DLG2: variants seen among roughly 807,000 people sequenced by gnomAD.
The protein encoded by DLG2 is disks large homolog 2.
A neutral mutation model predicts 132.5 loss-of-function variants in DLG2; 45 were observed. The observed-to-expected ratio is 0.34, with a 90% confidence interval of 0.27 to 0.44. DLG2 has a LOEUF of 0.44. Among genes scored for constraint, DLG2 ranks in the 20% least tolerant of loss-of-function variants. The pLI, the probability that DLG2 is intolerant of heterozygous loss-of-function variation, is 1.00. For missense variants in DLG2, 1,045 were observed against 1,196.9 expected (o/e 0.87, Z 1.87); for synonymous variants, 424 against 419.6 (o/e 1.01, Z -0.13).
At chr11:83,576,322 A>C (rs1473165975) in intron 19 of DLG2, among the ~76,000 whole-genome samples, 1 of 152,168 alleles carries the variant, frequency 6.6e-6, no homozygotes, top group Non-Finnish European at 1.5e-5. Context: ...GAGTTTCCAA[A>C]GTGTAGGAAG....
intron 3 of DLG2, among the ~76,000 whole-genome samples, chr11:85,434,157 G>C (rs970022380): frequency 6.6e-6 from 1 of 152,096 alleles, no homozygotes; most frequent in African/African-American, 2.4e-5. Flanking sequence ...AGAATCTCTG[G>C]AACACAGCTA....
chr11:84,366,868 C>T (rs1446478761), intron 7 of DLG2, among the ~76,000 whole-genome samples: 1 of 152,048 alleles, frequency 6.6e-6, no homozygotes, highest in African/African-American at 2.4e-5. Flanking sequence ...TAATGGGAGA[C>T]TTTAACACCC....
At chr11:84,676,121 T>C (rs1565632118) in intron 6 of DLG2, among the ~76,000 whole-genome samples, 2 of 152,070 alleles carry the variant, frequency 1.3e-5, no homozygotes, top group Non-Finnish European at 2.9e-5. Flanking sequence ...TCTCAACTGA[T>C]ACAGTTTCCA....
chr11:84,906,568 C>T (rs1036645951), intron 6 of DLG2, among the ~76,000 whole-genome samples: 2 of 152,062 alleles, frequency 1.3e-5, no homozygotes, highest in Admixed American at 1.3e-4. Context: ...AGCTTGCCTC[C>T]TTCTACCATT....
At chr11:85,494,903 C>T (rs199604008) in intron 3 of DLG2, among the ~76,000 whole-genome samples, 1 of 140,628 alleles carries the variant, frequency 7.1e-6, no homozygotes, top group African/African-American at 2.6e-5. Flanking sequence ...ATAAAAAAAA[C>T]AGTGAAAAAC....
intron 18 of DLG2, among the ~76,000 whole-genome samples, chr11:83,650,684 CT>C (rs977037004): frequency 1.1e-4 from 17 of 152,166 alleles, no homozygotes; most frequent in African/African-American, 4.1e-4. Flanking sequence ...ATTCCTCTTG[CT>C]TTAAAAATTC....
intron 6 of DLG2, among the ~76,000 whole-genome samples, chr11:84,864,205 G>A (rs980944238): frequency 3.3e-5 from 5 of 152,170 alleles, no homozygotes; most frequent in Non-Finnish European, 5.9e-5. Context: ...ACCTTTAGAA[G>A]GGATGTGTGC....
chr11:83,587,739 C>T (rs942091276), intron 19 of DLG2, among the ~76,000 whole-genome samples: 2 of 152,200 alleles, frequency 1.3e-5, no homozygotes, highest in African/African-American at 4.8e-5. Flanking sequence ...CCGGGTTCAT[C>T]TCACTAGGAA....
chr11:85,069,629 C>T (rs921790268), intron 6 of DLG2, among the ~76,000 whole-genome samples: 3 of 152,084 alleles, frequency 2.0e-5, no homozygotes, highest in Non-Finnish European at 4.4e-5. Flanking sequence ...GTTAGAATGG[C>T]AATCATTAAA....
chr11:83,617,732 G>T (rs1427245754), intron 19 of DLG2, among the ~76,000 whole-genome samples: 3 of 152,026 alleles, frequency 2.0e-5, no homozygotes, highest in Non-Finnish European at 4.4e-5. Context: ...TGGTGTTTAG[G>T]CTGGCTCCCT....
intron 9 of DLG2, among the ~76,000 whole-genome samples, chr11:84,142,319 C>CAAAAAAA (rs71066094): frequency 1.2e-5 from 1 of 86,890 alleles, no homozygotes; most frequent in Non-Finnish European, 2.4e-5. Flanking sequence ...GAATCCATCT[C>CAAAAAAA]AAAAAAAAAA....
At chr11:84,582,682 T>C in intron 6 of DLG2, among the ~76,000 whole-genome samples, 1 of 152,042 alleles carries the variant, frequency 6.6e-6, no homozygotes, top group East Asian at 1.9e-4. Context: ...GCTCTATCTA[T>C]ATGTCTATCA....
intron 26 of DLG2, among the ~76,000 whole-genome samples, chr11:83,463,466 A>G (rs1591258242): frequency 6.6e-6 from 1 of 152,282 alleles, no homozygotes; most frequent in East Asian, 1.9e-4. Flanking sequence ...CACTCTTCAG[A>G]GAAAGATAAA....
chr11:85,618,005 A>G (rs1242148633), intron 2 of DLG2, among the ~76,000 whole-genome samples: 1 of 152,214 alleles, frequency 6.6e-6, no homozygotes, highest in African/African-American at 2.4e-5. Context: ...CCTAAAATAA[A>G]GGAGGTCAGG....
intron 7 of DLG2, among the ~76,000 whole-genome samples, chr11:84,404,078 T>C (rs2098840119): frequency 6.6e-6 from 1 of 152,188 alleles, no homozygotes; most frequent in African/African-American, 2.4e-5. Context: ...ATTATTGCTT[T>C]ACCGTGTTTA....
At position 84,092,468 on chromosome 11, in the gene DLG2, T is replaced by C. The variant is rs114182838; in HGVS notation, c.749+6455A>G. Among the ~76,000 whole-genome samples the C allele has an allele frequency of 9.2e-3, 1,404 of 152,304 alleles. 25 individuals carry two copies. Among genetic ancestry groups the C allele is most frequent in the African/African-American group, 0.032 (1,323 of 41,562 alleles). On this transcript the variant is annotated intron_variant, in intron 10 of 27. Transcript: ENST00000376104. ...ATAGAGCTTAAAAAGGGGCCCAAAG[T>C]CACATAGCTAGGAAGTAGTACCTGA...
chr11:85,280,370 T>C (rs1408342532), intron 4 of DLG2, among the ~76,000 whole-genome samples: 1 of 151,978 alleles, frequency 6.6e-6, no homozygotes, highest in Non-Finnish European at 1.5e-5. Flanking sequence ...AGATTAAAAA[T>C]CAGATAGGTT....
At chr11:85,093,978 T>A (rs2069291229) in intron 6 of DLG2, among the ~76,000 whole-genome samples, 1 of 152,228 alleles carries the variant, frequency 6.6e-6, no homozygotes, top group South Asian at 2.1e-4. Context: ...TCTGCCACCA[T>A]GATGCAACTA....
At chr11:85,021,508 T>G (rs2060063644) in intron 6 of DLG2, 1 of 1,511,014 alleles carries the variant, frequency 6.6e-7, no homozygotes, top group South Asian at 1.1e-5. Flanking sequence ...AAAGCCGTTA[T>G]GAACAGAGGA....
Sources: allele counts gnomAD v4.1 joint callset (sites outside exome capture counted in the v4.1 genomes callset), GRCh38; gene constraint gnomAD v4.1.1; transcripts MANE v1.5; gene names NCBI Gene and HGNC (gene_info 2026-07-23, HGNC 2026-07-21).